SCHIP1: variants seen among roughly 807,000 people sequenced by gnomAD.
SCHIP1 encodes the protein schwannomin interacting protein 1.
A neutral mutation model predicts 29.7 loss-of-function variants in SCHIP1; 8 were observed. The observed-to-expected ratio is 0.27, with a 90% CI of 0.16 to 0.49. SCHIP1 has a LOEUF of 0.49. SCHIP1 is among the 20% of genes least tolerant of loss of function. SCHIP1 has a pLI of 0.99. For synonymous variants in SCHIP1, 76 were observed against 94.9 expected (o/e 0.80, Z 1.16); for missense variants, 193 against 294.6 (o/e 0.66, Z 2.52).
At chr3:159,860,382 A>C (rs761631357) in intron 1 of SCHIP1, among the ~76,000 whole-genome samples, 3 of 152,170 alleles carry the variant, frequency 2.0e-5, no homozygotes, top group Non-Finnish European at 4.4e-5. Context: ...AGCTTATTAG[A>C]AATGCAGAGT....
chr3:159,382,164 T>A, the SCHIP1 span, among the ~76,000 whole-genome samples: 1 of 151,884 alleles, frequency 6.6e-6, no homozygotes, highest in Non-Finnish European at 1.5e-5. Context: ...ATGTGCAGGT[T>A]AATTACACAT....
the SCHIP1 span, among the ~76,000 whole-genome samples, chr3:159,463,055 T>C: frequency 6.6e-6 from 1 of 152,012 alleles, no homozygotes; most frequent in East Asian, 1.9e-4. Flanking sequence ...TAGAATATTG[T>C]CAATCAATAT....
chr3:159,337,691 G>C, the SCHIP1 span, among the ~76,000 whole-genome samples: 1 of 151,944 alleles, frequency 6.6e-6, no homozygotes, highest in Non-Finnish European at 1.5e-5. Flanking sequence ...TACCATTAGG[G>C]ACCACCAGTG....
At chr3:159,461,631 A>G in the SCHIP1 span, among the ~76,000 whole-genome samples, 1 of 150,462 alleles carries the variant, frequency 6.6e-6, no homozygotes, top group Non-Finnish European at 1.5e-5. Flanking sequence ...GCTGGAGTGC[A>G]GTGGTGCAAT....
At chr3:159,346,080 G>A in the SCHIP1 span, among the ~76,000 whole-genome samples, 1 of 151,790 alleles carries the variant, frequency 6.6e-6, no homozygotes, top group South Asian at 2.1e-4. Context: ...TGTAGTCCCA[G>A]CTACTTGGGA....
chr3:159,454,738 G>A, the SCHIP1 span, among the ~76,000 whole-genome samples: 1 of 152,132 alleles, frequency 6.6e-6, no homozygotes, highest in East Asian at 1.9e-4. Context: ...TATGAAGTCT[G>A]ATAAAAAACC....
At chr3:159,360,012 T>C in the SCHIP1 span, among the ~76,000 whole-genome samples, 3 of 152,064 alleles carry the variant, frequency 2.0e-5, no homozygotes, top group Admixed American at 1.3e-4. Context: ...GCAGGGTGGG[T>C]TTAATAAATG....
chr3:159,505,919 C>G, the SCHIP1 span, among the ~76,000 whole-genome samples: 1 of 152,144 alleles, frequency 6.6e-6, no homozygotes, highest in African/African-American at 2.4e-5. Context: ...GTGAATAGTG[C>G]CGCAATAAAC....
At chr3:159,888,488 T>C (rs1439118195) in intron 4 of SCHIP1, 1 of 223,436 alleles carries the variant, frequency 4.5e-6, no homozygotes, top group Non-Finnish European at 8.8e-6. Flanking sequence ...AATTATTAAA[T>C]AGTAGCTGAT....
At chr3:159,636,284 G>A in the SCHIP1 span, among the ~76,000 whole-genome samples, 1 of 152,176 alleles carries the variant, frequency 6.6e-6, no homozygotes, top group African/African-American at 2.4e-5. Flanking sequence ...CTGGCCTGAA[G>A]TGATCCACCT....
the SCHIP1 span, among the ~76,000 whole-genome samples, chr3:159,689,645 G>A: frequency 3.3e-5 from 5 of 152,200 alleles, no homozygotes; most frequent in Non-Finnish European, 7.3e-5. Flanking sequence ...TTGAATAGGA[G>A]TGGTGAGAGA....
At chr3:159,816,559 G>C in the SCHIP1 span, among the ~76,000 whole-genome samples, 1 of 152,190 alleles carries the variant, frequency 6.6e-6, no homozygotes, top group South Asian at 2.1e-4. Context: ...ACAGAGGGGA[G>C]CCAGCCCGGC....
At chr3:159,683,956 T>C in the SCHIP1 span, among the ~76,000 whole-genome samples, 2,499 of 152,304 alleles carry the variant, frequency 0.016, 81 homozygotes, top group African/African-American at 0.058. Context: ...TGGTTTTAAT[T>C]TTCTGTATCT....
chr3:159,759,200 A>G, the SCHIP1 span, among the ~76,000 whole-genome samples: 2 of 152,222 alleles, frequency 1.3e-5, no homozygotes, highest in Admixed American at 6.5e-5. Flanking sequence ...AGTGAAAGTG[A>G]GAAGAAAATA....
At chr3:159,732,530 T>C in the SCHIP1 span, among the ~76,000 whole-genome samples, 2 of 152,254 alleles carry the variant, frequency 1.3e-5, no homozygotes, top group Non-Finnish European at 2.9e-5. Context: ...ATGGTGCTGT[T>C]TGGAGAAGTT....
chr3:159,736,260 A>G, the SCHIP1 span, among the ~76,000 whole-genome samples: 1 of 152,230 alleles, frequency 6.6e-6, no homozygotes, highest in Non-Finnish European at 1.5e-5. Context: ...TTAACTGTGG[A>G]AACAGCCTAC....
chr3:159,815,937 C>T, the SCHIP1 span, among the ~76,000 whole-genome samples: 1 of 147,444 alleles, frequency 6.8e-6, no homozygotes. Context: ...GCCTCTGGTC[C>T]TATTTATTTA....
chr3:159,885,602 A>ACTG (rs1716886123), intron 2 of SCHIP1, among the ~76,000 whole-genome samples: 2 of 152,218 alleles, frequency 1.3e-5, no homozygotes, highest in African/African-American at 4.8e-5. Context: ...GCTGCACCTT[A>ACTG]CTGCCTGGGT....
the SCHIP1 span, among the ~76,000 whole-genome samples, chr3:159,772,182 G>T: frequency 6.6e-6 from 1 of 151,954 alleles, no homozygotes; most frequent in Non-Finnish European, 1.5e-5. Flanking sequence ...AGACAGTCTC[G>T]CTCTGTCGCC....
Sources: gnomAD v4.1 joint callset for allele counts (sites outside exome capture counted in the v4.1 genomes callset) on GRCh38, gnomAD v4.1.1 for gene constraint, MANE v1.5 for transcripts, NCBI Gene and HGNC (gene_info 2026-07-23, HGNC 2026-07-21) for gene names.